NOL4: variants seen among roughly 807,000 people sequenced by gnomAD.
NOL4 encodes cancer/testis antigen 125.
NOL4 carries 17 observed loss-of-function variants against 75.9 expected under a neutral mutation model. The observed-to-expected ratio is 0.22, with a 90% confidence interval of 0.15 to 0.34. The LOEUF (loss-of-function observed/expected upper bound fraction) is 0.34. Among genes scored for constraint, NOL4 ranks in the 10% least tolerant of loss-of-function variants. The pLI is 1.00. For missense variants in NOL4, 614 were observed against 793.5 expected, an observed-to-expected ratio of 0.77 and a Z score of 2.72; for synonymous variants, 292 against 289.9, an observed-to-expected ratio of 1.01 and a Z score of -0.07.
intron 5 of NOL4, among the ~76,000 whole-genome samples, chr18:34,037,814 A>T (rs2075975462): frequency 1.3e-5 from 2 of 152,264 alleles, no homozygotes; most frequent in South Asian, 4.1e-4. Context: ...ACTGTAAGGA[A>T]AACATTTCAA....
At chr18:33,974,670 AAC>A (rs2145911114) in intron 6 of NOL4, among the ~76,000 whole-genome samples, 1 of 152,316 alleles carries the variant, frequency 6.6e-6, no homozygotes, top group Admixed American at 6.5e-5. Flanking sequence ...GCCAAAATGC[AAC>A]ACAGAGACAC....
intron 5 of NOL4, among the ~76,000 whole-genome samples, chr18:34,037,441 G>A (rs996534176): frequency 1.3e-5 from 2 of 151,980 alleles, no homozygotes; most frequent in African/African-American, 4.8e-5. Flanking sequence ...AACCAAAAAT[G>A]AGAAGAATAG....
chr18:34,121,242 G>T (rs537742493), intron 2 of NOL4: 1 of 152,282 alleles, frequency 6.6e-6, no homozygotes, highest in African/African-American at 2.4e-5. Context: ...ACATGGGAGT[G>T]TGGAAAACCT....
chr18:33,906,502 T>C (rs1012996752), intron 9 of NOL4, among the ~76,000 whole-genome samples: 1 of 152,180 alleles, frequency 6.6e-6, no homozygotes, highest in Non-Finnish European at 1.5e-5. Flanking sequence ...TGGAATCAGA[T>C]ACAAGACTTT....
At position 34,139,656 on chromosome 18, in the gene NOL4, G is replaced by GT. The variant is rs1268069627; in HGVS notation, c.265-9637dup. Among the ~76,000 whole-genome samples, 5 of 152,008 alleles carry GT rather than the reference G, an allele frequency of 3.3e-5. No individual in the cohort carries two copies. In the South Asian group the frequency reaches 6.2e-4, roughly 19 times the overall value. The stretch of plus-strand genomic sequence containing the variant: ...CCTGGATTCATTGATTTTTTGGAGG[G>GT]TTTTTTTGTGTCTCTATATCCTTCA... On this transcript the variant is annotated intron_variant, in intron 1 of 10. Transcript: ENST00000261592.
At chr18:34,000,506 A>G (rs138767740) in intron 6 of NOL4, among the ~76,000 whole-genome samples, 246 of 152,160 alleles carry the variant, frequency 1.6e-3, no homozygotes, top group African/African-American at 5.5e-3. Flanking sequence ...TTTTCCTCCC[A>G]TAGTTCTTTA....
chr18:33,974,427 G>A (rs1427637237), intron 6 of NOL4, among the ~76,000 whole-genome samples: 1 of 152,134 alleles, frequency 6.6e-6, no homozygotes, highest in Non-Finnish European at 1.5e-5. Context: ...CATGAATAAT[G>A]GAGGAGGACT....
intron 5 of NOL4, among the ~76,000 whole-genome samples, chr18:34,044,999 C>T (rs2076300196): frequency 6.6e-6 from 1 of 152,112 alleles, no homozygotes; most frequent in Non-Finnish European, 1.5e-5. Context: ...AAATCTTGAA[C>T]ATTAGTATTT....
intron 1 of NOL4, among the ~76,000 whole-genome samples, chr18:34,138,191 C>T (rs894389981): frequency 3.9e-5 from 6 of 152,062 alleles, no homozygotes; most frequent in Non-Finnish European, 7.4e-5. Context: ...GAAGGTGGAT[C>T]TCTTGAGCCC....
At chr18:34,001,058 T>A (rs1470219877) in intron 6 of NOL4, among the ~76,000 whole-genome samples, 11 of 152,168 alleles carry the variant, frequency 7.2e-5, no homozygotes, top group Admixed American at 7.2e-4. Flanking sequence ...TTAAGGAATA[T>A]GTTCCTATAT....
chr18:34,060,719 G>C (rs2077034279), intron 5 of NOL4, among the ~76,000 whole-genome samples: 1 of 152,130 alleles, frequency 6.6e-6, no homozygotes, highest in Non-Finnish European at 1.5e-5. Context: ...ATTTTAGGAG[G>C]AAATGGACAA....
chr18:33,917,847 C>A (rs985119042), intron 9 of NOL4, among the ~76,000 whole-genome samples: 1 of 152,046 alleles, frequency 6.6e-6, no homozygotes, highest in Non-Finnish European at 1.5e-5. Context: ...GAAATATACA[C>A]CTTTTGGGGA....
At chr18:34,069,922 C>A (rs2077437899) in intron 5 of NOL4, among the ~76,000 whole-genome samples, 1 of 152,202 alleles carries the variant, frequency 6.6e-6, no homozygotes, top group South Asian at 2.1e-4. Flanking sequence ...AGAGAAAGTC[C>A]TATGCATCCC....
At chr18:34,162,459 C>A (rs2031648165) in intron 1 of NOL4, among the ~76,000 whole-genome samples, 1 of 152,136 alleles carries the variant, frequency 6.6e-6, no homozygotes, top group Non-Finnish European at 1.5e-5. Flanking sequence ...ACTACAAACA[C>A]CTCTACGCAA....
At chr18:33,886,829 ATATATC>A (rs2064707251) in intron 9 of NOL4, among the ~76,000 whole-genome samples, 1 of 136,844 alleles carries the variant, frequency 7.3e-6, no homozygotes, top group Non-Finnish European at 1.6e-5. Flanking sequence ...CTATATACAT[ATATATC>A]TATATATCTA....
intron 8 of NOL4, among the ~76,000 whole-genome samples, chr18:33,954,008 T>C (rs2069453257): frequency 6.6e-6 from 1 of 152,170 alleles, no homozygotes; most frequent in Non-Finnish European, 1.5e-5. Flanking sequence ...GGTGGTCATG[T>C]GATCTTTATA....
intron 2 of NOL4, among the ~76,000 whole-genome samples, chr18:34,120,884 T>A (rs2080109607): frequency 6.6e-6 from 1 of 152,198 alleles, no homozygotes; most frequent in African/African-American, 2.4e-5. Flanking sequence ...TATATCAGTA[T>A]ACATTAGTAG....
chr18:34,020,868 G>T (rs867767355), intron 5 of NOL4, among the ~76,000 whole-genome samples: 2 of 152,040 alleles, frequency 1.3e-5, no homozygotes, highest in African/African-American at 4.8e-5. Context: ...GATGGAAAAG[G>T]TATTAAATTG....
chr18:34,097,903 C>T (rs747329653), intron 4 of NOL4, among the ~76,000 whole-genome samples: 3 of 152,064 alleles, frequency 2.0e-5, no homozygotes, highest in South Asian at 2.1e-4. Flanking sequence ...AAAGTTTGTT[C>T]GAGTTTAAAC....
Sources: allele counts gnomAD v4.1 joint callset (sites outside exome capture counted in the v4.1 genomes callset), GRCh38; gene constraint gnomAD v4.1.1; transcripts MANE v1.5; gene names NCBI Gene and HGNC (gene_info 2026-07-23, HGNC 2026-07-21).